The following TMEM117 variants were observed in gnomAD, a reference collection of about 807,000 sequenced individuals.
TMEM117 encodes transmembrane protein 117.
Under a neutral mutation model 52.4 loss-of-function variants are expected in TMEM117, and 27 were observed. The observed-to-expected ratio is 0.51, with a 90% confidence interval of 0.38 to 0.71. TMEM117 has a LOEUF of 0.71. TMEM117 is among the 30% of genes least tolerant of loss of function. TMEM117 has a pLI of 0.00. For missense variants in TMEM117, 556 were observed against 630.5 expected, an observed-to-expected ratio of 0.88 and a Z score of 1.26; for synonymous variants, 215 against 206.3, an observed-to-expected ratio of 1.04 and a Z score of -0.36.
chr12:44,360,494 G>A (rs1951706618), intron 6 of TMEM117, among the ~76,000 whole-genome samples: 1 of 151,786 alleles, frequency 6.6e-6, no homozygotes, highest in African/African-American at 2.4e-5. Context: ...CTGAACTCCA[G>A]GGGTGAAGGT....
At chr12:44,116,052 T>G (rs1429387334) in intron 3 of TMEM117, among the ~76,000 whole-genome samples, 1 of 152,214 alleles carries the variant, frequency 6.6e-6, no homozygotes, top group Non-Finnish European at 1.5e-5. Flanking sequence ...CACGTTAGTA[T>G]TTTTCTCTTC....
At chr12:43,884,157 AG>A in intron 2 of TMEM117, among the ~76,000 whole-genome samples, 1 of 151,904 alleles carries the variant, frequency 6.6e-6, no homozygotes, top group South Asian at 2.1e-4. Flanking sequence ...AAAGAAAGAA[AG>A]AAAGATTGTA....
chr12:44,128,871 C>T (rs1264090293), intron 3 of TMEM117, among the ~76,000 whole-genome samples: 2 of 152,176 alleles, frequency 1.3e-5, no homozygotes, highest in Non-Finnish European at 1.5e-5. Flanking sequence ...GAAGTCTTAC[C>T]TGCATTCATT....
chr12:44,321,060 A>T (rs1359419521), intron 6 of TMEM117, among the ~76,000 whole-genome samples: 1 of 152,188 alleles, frequency 6.6e-6, no homozygotes, highest in Non-Finnish European at 1.5e-5. Context: ...TACTTGTGTG[A>T]GCTATTTTTA....
At chr12:44,022,063 G>A (rs1946464254) in intron 3 of TMEM117, among the ~76,000 whole-genome samples, 1 of 152,266 alleles carries the variant, frequency 6.6e-6, no homozygotes, top group Admixed American at 6.5e-5. Context: ...TCTACATGAA[G>A]GATGCATTAA....
chr12:44,040,088 C>G (rs1946773901), intron 3 of TMEM117, among the ~76,000 whole-genome samples: 1 of 152,080 alleles, frequency 6.6e-6, no homozygotes, highest in African/African-American at 2.4e-5. Context: ...TGTAAATTCT[C>G]CTACCATGGC....
chr12:43,797,488 A>G, the TMEM117 span: 5 of 1,489,970 alleles, frequency 3.4e-6, no homozygotes, highest in Non-Finnish European at 4.5e-6. Context: ...CATTAAAACC[A>G]GATATAAGGA....
intron 4 of TMEM117, among the ~76,000 whole-genome samples, chr12:44,179,897 G>T (rs141229319): frequency 6.6e-6 from 1 of 152,166 alleles, no homozygotes; most frequent in Non-Finnish European, 1.5e-5. Context: ...GGCTGTCCTG[G>T]TTGGCAGATG....
At chr12:44,344,480 G>A (rs753899011) in intron 6 of TMEM117, among the ~76,000 whole-genome samples, 51 of 151,984 alleles carry the variant, frequency 3.4e-4, no homozygotes, top group Non-Finnish European at 5.7e-4. Flanking sequence ...CATGTACCTG[G>A]TCCAGTTGGC....
chr12:44,267,934 T>G (rs1363017227), intron 5 of TMEM117, among the ~76,000 whole-genome samples: 2 of 152,230 alleles, frequency 1.3e-5, no homozygotes, highest in Non-Finnish European at 2.9e-5. Flanking sequence ...ATGTCTCAGC[T>G]ACTGTGAACA....
At chr12:43,928,902 T>C (rs1428580970) in intron 2 of TMEM117, among the ~76,000 whole-genome samples, 5 of 152,022 alleles carry the variant, frequency 3.3e-5, no homozygotes. Context: ...ATTTCATCCA[T>C]GTCCCTATAA....
chr12:44,353,729 G>A (rs867456258), intron 6 of TMEM117, among the ~76,000 whole-genome samples: 2,242 of 152,144 alleles, frequency 0.015, 67 homozygotes, highest in African/African-American at 0.05. Flanking sequence ...GTCAGGTAGC[G>A]TGATGCCTCC....
At chr12:43,944,380 AT>A (rs1945095492) in intron 3 of TMEM117, 38 bp downstream of exon 3, 1 of 1,575,626 alleles carries the variant, frequency 6.3e-7, no homozygotes, top group Non-Finnish European at 8.6e-7. Context: ...GGTGAGTGTT[AT>A]GTTTGAAACT....
At chr12:44,246,375 G>A (rs1950129800) in intron 5 of TMEM117, among the ~76,000 whole-genome samples, 1 of 152,092 alleles carries the variant, frequency 6.6e-6, no homozygotes, top group Non-Finnish European at 1.5e-5. Flanking sequence ...GCCAGAATAA[G>A]GTATTAATAT....
intron 3 of TMEM117, among the ~76,000 whole-genome samples, chr12:44,097,530 C>T (rs1947788477): frequency 1.3e-5 from 2 of 152,086 alleles, no homozygotes; most frequent in South Asian, 4.1e-4. Flanking sequence ...GAATACTATG[C>T]AGCCATAAAA....
intron 3 of TMEM117, among the ~76,000 whole-genome samples, chr12:44,020,359 C>T (rs1490955077): frequency 1.3e-5 from 2 of 152,096 alleles, no homozygotes; most frequent in Non-Finnish European, 2.9e-5. Flanking sequence ...TATCCACCTT[C>T]GATGTATTCT....
intron 6 of TMEM117, among the ~76,000 whole-genome samples, chr12:44,355,218 A>G (rs1951630301): frequency 6.6e-6 from 1 of 152,082 alleles, no homozygotes; most frequent in Admixed American, 6.6e-5. Context: ...TTAGAAATAT[A>G]TCTGTCTTCT....
chr12:43,870,329 G>A (rs899723565), intron 2 of TMEM117, among the ~76,000 whole-genome samples: 2 of 150,060 alleles, frequency 1.3e-5, no homozygotes, highest in East Asian at 2.0e-4. Context: ...GTGTGATCTC[G>A]GCTAACTGCA....
chr12:43,819,353 T>C, the TMEM117 span, among the ~76,000 whole-genome samples: 1 of 152,230 alleles, frequency 6.6e-6, no homozygotes, highest in Non-Finnish European at 1.5e-5. Context: ...CAGATTCCAC[T>C]GTAAGCTGAA....
Sources: allele counts gnomAD v4.1 joint callset (sites outside exome capture counted in the v4.1 genomes callset), GRCh38; gene constraint gnomAD v4.1.1; transcripts MANE v1.5; gene names NCBI Gene and HGNC (gene_info 2026-07-23, HGNC 2026-07-21).